The following TAS2R1 variants were observed in gnomAD, a reference collection of about 807,000 sequenced individuals.
TAS2R1 encodes the protein taste 2 receptor member 1.
For synonymous variants in TAS2R1, 141 were observed against 134.2 expected (o/e 1.05, Z -0.35); for missense variants, 370 against 353.4 (o/e 1.05, Z -0.38).
intron 1 of TAS2R1, among the ~76,000 whole-genome samples, chr5:9,668,420 G>T (rs77254014): frequency 0.016 from 2,402 of 152,122 alleles, 31 homozygotes; most frequent in Middle Eastern, 0.044. Context: ...ACCCCTGCAA[G>T]ATACCTTACA....
chr5:9,670,661 C>G (rs144208517), intron 1 of TAS2R1, among the ~76,000 whole-genome samples: 45 of 152,206 alleles, frequency 3.0e-4, no homozygotes, highest in African/African-American at 1.0e-3. Flanking sequence ...AGCCTGCCAA[C>G]CAGAAAAAGC....
In TAS2R1 at chr5:9,680,972, G is replaced by C. The variant is rs984979115; in HGVS notation, c.-241-21391C>G. 1.1e-4 allele frequency among the ~76,000 whole-genome samples: 17 copies of C among 152,296 alleles called. 1 individual carries two copies. Among genetic ancestry groups the C allele is most frequent in the South Asian group, 8.3e-4 (4 of 4,832 alleles). ...CAACTGCTCGGAGGCAGAGGCAGGAGAATCACTAGAACCCAGGAGGCGGGG... is the reference window on the plus strand; with the variant it reads ...CAACTGCTCGGAGGCAGAGGCAGGACAATCACTAGAACCCAGGAGGCGGGG... On this transcript the variant is annotated intron_variant, in intron 1 of 2. Coordinates refer to the TAS2R1 transcript ENST00000506620.
chr5:9,711,977 G>GTTTTT (rs60664247), intron 1 of TAS2R1, among the ~76,000 whole-genome samples: 1 of 104,870 alleles, frequency 9.5e-6, no homozygotes. Context: ...TATGTTCAAC[G>GTTTTT]TTTTTTTTTT....
chr5:9,811,219 C>A, the TAS2R1 span, among the ~76,000 whole-genome samples: 1 of 152,158 alleles, frequency 6.6e-6, no homozygotes, highest in Admixed American at 6.5e-5. Context: ...ATCTGTGAAC[C>A]AGGAACTGGT....
intron 1 of TAS2R1, among the ~76,000 whole-genome samples, chr5:9,706,795 G>A (rs890488254): frequency 5.8e-4 from 88 of 152,222 alleles, no homozygotes; most frequent in African/African-American, 2.1e-3. Flanking sequence ...GGTGCTGCTG[G>A]GGAGGGAGCT....
At chr5:9,686,034 T>G (rs1741117083) in intron 1 of TAS2R1, among the ~76,000 whole-genome samples, 1 of 152,028 alleles carries the variant, frequency 6.6e-6, no homozygotes, top group African/African-American at 2.4e-5. Flanking sequence ...CCCAGGTAAT[T>G]TTATATTTTT....
the TAS2R1 span, among the ~76,000 whole-genome samples, chr5:9,779,223 T>C: frequency 1.3e-5 from 2 of 152,226 alleles, no homozygotes; most frequent in African/African-American, 4.8e-5. Flanking sequence ...GCTCCATCTC[T>C]TGTCATGTGA....
At chr5:9,791,904 T>C in the TAS2R1 span, among the ~76,000 whole-genome samples, 1 of 152,166 alleles carries the variant, frequency 6.6e-6, no homozygotes, top group African/African-American at 2.4e-5. Flanking sequence ...AGCTCTCCTG[T>C]GAGCAGCCGA....
At chr5:9,660,831 G>A (rs1349989500) in intron 1 of TAS2R1, among the ~76,000 whole-genome samples, 1 of 152,222 alleles carries the variant, frequency 6.6e-6, no homozygotes, top group African/African-American at 2.4e-5. Flanking sequence ...AGGATTCAGT[G>A]CAAATGGCTG....
the TAS2R1 span, among the ~76,000 whole-genome samples, chr5:9,733,732 C>T: frequency 1.3e-5 from 2 of 152,048 alleles, no homozygotes; most frequent in Non-Finnish European, 2.9e-5. Flanking sequence ...GAAAATGGCA[C>T]TGGGAAAGCA....
the TAS2R1 span, among the ~76,000 whole-genome samples, chr5:9,718,041 C>A: frequency 6.6e-6 from 1 of 152,070 alleles, no homozygotes; most frequent in Non-Finnish European, 1.5e-5. Context: ...CTCACTGCAA[C>A]CTCTGCCTCC....
the TAS2R1 span, among the ~76,000 whole-genome samples, chr5:9,823,530 G>A: frequency 7.0e-6 from 1 of 142,380 alleles, no homozygotes; most frequent in Non-Finnish European, 1.5e-5. Context: ...GGGAAGGGAA[G>A]GGAAAAGGAA....
At chr5:9,775,459 C>T in the TAS2R1 span, among the ~76,000 whole-genome samples, 2 of 151,924 alleles carry the variant, frequency 1.3e-5, no homozygotes, top group Non-Finnish European at 2.9e-5. Flanking sequence ...AGGTGCAAGA[C>T]AATGTCTCCA....
At chr5:9,903,152 C>T in the TAS2R1 span, among the ~76,000 whole-genome samples, 1 of 151,956 alleles carries the variant, frequency 6.6e-6, no homozygotes, top group Non-Finnish European at 1.5e-5. Context: ...ACTATAGCCA[C>T]CTTGTTCTGC....
At chr5:9,748,658 C>G in the TAS2R1 span, among the ~76,000 whole-genome samples, 1 of 152,110 alleles carries the variant, frequency 6.6e-6, no homozygotes, top group Non-Finnish European at 1.5e-5. Context: ...GCAACCAGCT[C>G]TCAAGGGAAT....
At chr5:9,661,291 A>T (rs751025442) in intron 1 of TAS2R1, among the ~76,000 whole-genome samples, 54 of 152,166 alleles carry the variant, frequency 3.5e-4, no homozygotes, top group Non-Finnish European at 1.8e-4. Flanking sequence ...TTTTATACTA[A>T]ACTTTCTATA....
chr5:9,719,136 A>C, the TAS2R1 span, among the ~76,000 whole-genome samples: 1 of 152,246 alleles, frequency 6.6e-6, no homozygotes, highest in Non-Finnish European at 1.5e-5. Flanking sequence ...GGTTATATTA[A>C]TAAAAGATAT....
the TAS2R1 span, among the ~76,000 whole-genome samples, chr5:9,837,019 T>C: frequency 6.6e-6 from 1 of 152,178 alleles, no homozygotes; most frequent in Non-Finnish European, 1.5e-5. Flanking sequence ...AACACGTGAC[T>C]GGTTGGCTGG....
the TAS2R1 span, among the ~76,000 whole-genome samples, chr5:9,785,987 A>T: frequency 3.9e-5 from 6 of 152,222 alleles, no homozygotes; most frequent in Admixed American, 2.6e-4. Context: ...GTAAACAAAA[A>T]AGTTTTAGCA....
Sources: gnomAD v4.1 joint callset for allele counts (sites outside exome capture counted in the v4.1 genomes callset) on GRCh38, gnomAD v4.1.1 for gene constraint, MANE v1.5 for transcripts, NCBI Gene and HGNC (gene_info 2026-07-23, HGNC 2026-07-21) for gene names.